The following ITGA4 variants were observed in gnomAD, a reference collection of about 807,000 sequenced individuals.
ITGA4 encodes the protein integrin alpha-4.
ITGA4 carries 63 observed loss-of-function variants against 133.6 expected under a neutral mutation model. The ratio of observed to expected loss-of-function variants is 0.47; its 90% CI spans 0.38 to 0.58. The LOEUF (loss-of-function observed/expected upper bound fraction) is 0.58, where lower values mean the gene tolerates loss of function less well. Among genes scored for constraint, ITGA4 ranks in the 20% least tolerant of loss-of-function variants. The probability of loss-of-function intolerance (pLI) is 0.00; values close to 1 mark genes in which losing one functional copy is unlikely to be tolerated. For synonymous variants in ITGA4, 483 were observed against 438.0 expected, an observed-to-expected ratio of 1.10 and a Z score of -1.28; for missense variants, 1,076 against 1,252.7, an observed-to-expected ratio of 0.86 and a Z score of 2.13.
Position 181,493,428 on chromosome 2 carries a change from C to G in ITGA4, c.1248+9C>G, listed in dbSNP as rs765447273. 2.6e-6 allele frequency: 4 copies of G among 1,544,828 alleles called. No homozygotes were observed. The African/African-American group carries it at 5.5e-5, about 21-fold the overall frequency. On this transcript the variant is annotated intron_variant, in intron 11 of 27. Coordinates refer to ENST00000397033, the MANE Select transcript of ITGA4 (RefSeq NM_000885.6). ...CGTCAACCTTCTCACAGGTAAGGTA[C>G]TATTCTATTTCCAAAAGAAGCATTG...
At chr2:181,498,175 T>C (rs1208246277) in intron 14 of ITGA4, 1 of 152,082 alleles carries the variant, frequency 6.6e-6, no homozygotes, top group East Asian at 1.9e-4. Context: ...AAATCTAAAA[T>C]ATAAAAAAGT....
rs1212047023 is a variant in ITGA4, at chr2:181,495,630, T to C, written c.1386-153T>C. On this transcript the variant is annotated intron_variant, in intron 13 of 27. Coordinates refer to ENST00000397033, the MANE Select transcript of ITGA4 (RefSeq NM_000885.6). The surrounding 1 kb of genome is among the most constrained non-coding windows in gnomAD (Gnocchi z 4.3). ...TTTAGACATTTAAATAAAAAGTTAT[T>C]TTGCCCTGTGCACAGAAATGTAATT... Among the ~76,000 whole-genome samples the C allele has an allele frequency of 6.6e-6, 1 of 152,216 alleles. No homozygotes were observed. Among genetic ancestry groups the C allele is most frequent in the Admixed American group, 6.5e-5 (1 of 15,278 alleles).
chr2:181,495,820 C>T lies in ITGA4; in HGVS notation c.1423C>T (p.His475Tyr), dbSNP rs762660854. 1.5e-5 allele frequency: 25 copies of T among 1,613,838 alleles called. No individual in the cohort carries two copies. Among genetic ancestry groups the T allele is most frequent in the Non-Finnish European group, 2.1e-5 (25 of 1,179,836 alleles). Reference sequence around the variant, plus strand: ...AGTAATTGTTGACGCTTCTTTAAGCCACCCTGAGTCAGTAAATAGAACGAA... The same window carrying T: ...AGTAATTGTTGACGCTTCTTTAAGCTACCCTGAGTCAGTAAATAGAACGAA... The part of the protein sequence containing the change: ...PVVIVDASLS[H>Y]PESVNRTKFD... The change falls in exon 14 of 28, where the codon CAC becomes TAC. Residue 475 changes from histidine (H) to tyrosine (Y), a missense_variant. His to Tyr is a moderately conservative substitution (Grantham distance 83). This residue lies in a region of ITGA4 where 436 missense variants were observed against 590.7 expected (regional missense o/e 0.74). Coordinates refer to ENST00000397033, the MANE Select transcript of ITGA4 (RefSeq NM_000885.6). The surrounding 1 kb of genome is among the most constrained non-coding windows in gnomAD (Gnocchi z 4.3).
chr2:181,476,813 T>C (rs1685686856), intron 4 of ITGA4, among the ~76,000 whole-genome samples: 1 of 152,204 alleles, frequency 6.6e-6, no homozygotes, highest in Non-Finnish European at 1.5e-5. Flanking sequence ...TTATGTCCTT[T>C]GCAGCAACTT....
intron 10 of ITGA4, among the ~76,000 whole-genome samples, chr2:181,492,299 A>T (rs190953317): frequency 2.6e-5 from 4 of 152,394 alleles, no homozygotes; most frequent in Admixed American, 1.3e-4. Flanking sequence ...AACTGAAAAT[A>T]GAAAAGCTTT....
At chr2:181,526,980 C>T (rs549674271) in intron 21 of ITGA4, among the ~76,000 whole-genome samples, 12 of 151,336 alleles carry the variant, frequency 7.9e-5, no homozygotes, top group African/African-American at 2.2e-4. Flanking sequence ...TACAGGCACA[C>T]GCCACCACGC....
chr2:181,520,068 T>A (rs1686686838), intron 17 of ITGA4, among the ~76,000 whole-genome samples: 2 of 152,192 alleles, frequency 1.3e-5, no homozygotes, highest in South Asian at 4.1e-4. Flanking sequence ...AACCAGAGAC[T>A]TGACATTGTG....
chr2:181,538,265 T>TTCATCAACTTATTTTG lies in ITGA4; in HGVS notation c.*2740_*2755dup. 6.9e-7 allele frequency: 1 copy of TTCATCAACTTATTTTG among 1,457,600 alleles called. No individual in the cohort carries two copies. The highest frequency in any genetic ancestry group is 9.6e-7 in the Non-Finnish European group (1 of 1,039,744). 90.3% of individuals were successfully genotyped at this position (1,457,600 alleles called of 1,614,324 possible). The stretch of plus-strand genomic sequence containing the variant: ...GCAATCTGTAAAGAAAATACATTAT[T>TTCATCAACTTATTTTG]TCATCAACTTATTTTGTTGTTTTTC... On this transcript the variant is annotated 3_prime_UTR_variant, in exon 28 of 28. Transcript: ENST00000397033.
chr2:181,489,291 ACT>A (rs1164675810), intron 10 of ITGA4, among the ~76,000 whole-genome samples: 4 of 152,188 alleles, frequency 2.6e-5, no homozygotes, highest in African/African-American at 7.2e-5. Flanking sequence ...AAAAAATCAG[ACT>A]CTATTTCCTG....
intron 4 of ITGA4, chr2:181,475,964 T>C (rs575807186): frequency 4.4e-5 from 57 of 1,306,610 alleles, no homozygotes; most frequent in Admixed American, 6.2e-5. Context: ...TGAATGCAAA[T>C]TCATAATTTT....
chr2:181,461,418 A>G (rs1685275102), intron 2 of ITGA4, among the ~76,000 whole-genome samples: 1 of 151,608 alleles, frequency 6.6e-6, no homozygotes, highest in Non-Finnish European at 1.5e-5. Flanking sequence ...TCTCTCTGCC[A>G]GGAGGGTCTG....
intron 23 of ITGA4, among the ~76,000 whole-genome samples, chr2:181,530,184 TAGAG>T (rs1275555637): frequency 6.6e-6 from 1 of 152,244 alleles, no homozygotes; most frequent in Non-Finnish European, 1.5e-5. Context: ...ATTCCAGATT[TAGAG>T]AGAAGAATAT....
At chr2:181,494,878 T>C in intron 12 of ITGA4, 66 bp downstream of exon 12, 1 of 853,332 alleles carries the variant, frequency 1.2e-6, no homozygotes, top group Non-Finnish European at 2.0e-6. Flanking sequence ...TGCTTTATAG[T>C]GAAGTACGTA....
intron 20 of ITGA4, 34 bp downstream of exon 20, chr2:181,524,284 T>C: frequency 1.7e-6 from 2 of 1,198,172 alleles, no homozygotes; most frequent in Middle Eastern, 1.9e-4. Flanking sequence ...GAACTAGAAA[T>C]ATACCCCCAT....
chr2:181,479,651 A>G (rs1481272882), intron 5 of ITGA4: 3 of 152,088 alleles, frequency 2.0e-5, no homozygotes, highest in Non-Finnish European at 4.4e-5. Context: ...CCCACATTCC[A>G]TTGGACTTTT....
intron 15 of ITGA4, among the ~76,000 whole-genome samples, chr2:181,508,028 T>A (rs180765893): frequency 0.017 from 2,529 of 151,784 alleles, 56 homozygotes; most frequent in Middle Eastern, 0.037. Flanking sequence ...GGAATTTTTT[T>A]AATGAGGATA....
chr2:181,516,871 C>T lies in ITGA4; in HGVS notation c.1922+5096C>T, dbSNP rs1192092026. 1.3e-5 allele frequency among the ~76,000 whole-genome samples: 2 copies of T among 152,024 alleles called. No individual in the cohort carries two copies. Among genetic ancestry groups the T allele is most frequent in the Non-Finnish European group, 2.9e-5 (2 of 67,994 alleles). On this transcript the variant is annotated intron_variant, in intron 17 of 27. Coordinates refer to ENST00000397033, the MANE Select transcript of ITGA4 (RefSeq NM_000885.6). The surrounding 1 kb of genome is among the most constrained non-coding windows in gnomAD (Gnocchi z 4.0). ...AAAGAGCTAGTGTGATGAAATTGTC[C>T]ATTTTTAAAATGGAAATAGTACGAA...
intron 10 of ITGA4, among the ~76,000 whole-genome samples, chr2:181,487,271 A>G (rs1045014745): frequency 1.3e-5 from 2 of 152,206 alleles, no homozygotes; most frequent in African/African-American, 4.8e-5. Context: ...GCATTGGCTC[A>G]TTTTCATAAA....
chr2:181,473,639 A>G (rs1685606797), intron 2 of ITGA4, among the ~76,000 whole-genome samples: 1 of 152,150 alleles, frequency 6.6e-6, no homozygotes, highest in Admixed American at 6.5e-5. Flanking sequence ...AATCTCTCCT[A>G]CCCAGGAGAC....
Sources: gnomAD v4.1 joint callset for allele counts (sites outside exome capture counted in the v4.1 genomes callset) on GRCh38, gnomAD v4.1.1 for gene constraint, gnomAD v4.1.1 regional missense constraint, Gnocchi (gnomAD v3.1) non-coding constraint, MANE v1.5 for transcripts, NCBI Gene and HGNC (gene_info 2026-07-23, HGNC 2026-07-21) for gene names.